FASTKD1: variants seen among roughly 807,000 people sequenced by gnomAD.
FASTKD1 encodes FAST kinase domains 1.
Under a neutral mutation model 90.9 loss-of-function variants are expected in FASTKD1, and 94 were observed. The ratio of observed to expected loss-of-function variants is 1.03; its 90% CI spans 0.88 to 1.23. The LOEUF (loss-of-function observed/expected upper bound fraction) is 1.23. FASTKD1 is among the 50% of genes most tolerant of loss of function. The pLI is 0.00. For missense variants in FASTKD1, 945 were observed against 993.5 expected, an observed-to-expected ratio of 0.95 and a Z score of 0.66; for synonymous variants, 319 against 345.8, an observed-to-expected ratio of 0.92 and a Z score of 0.86.
intron 13 of FASTKD1, 193 bp downstream of exon 13, chr2:169,531,159 T>C (rs1260806951): frequency 3.9e-6 from 3 of 768,612 alleles, no homozygotes; most frequent in African/African-American, 3.4e-5. Context: ...GTTAGGGAGA[T>C]TGCTAGGCTT....
At chr2:169,540,270 AAAAG>A in intron 9 of FASTKD1, 91 bp from the exon 10 acceptor site, 1 of 1,268,378 alleles carries the variant, frequency 7.9e-7, no homozygotes, top group South Asian at 1.7e-5. Flanking sequence ...GTTTTTAAAA[AAAAG>A]ATACACAGCC....
At chr2:169,541,207 C>T (rs1684942537) in intron 9 of FASTKD1, among the ~76,000 whole-genome samples, 1 of 152,144 alleles carries the variant, frequency 6.6e-6, no homozygotes, top group Admixed American at 6.5e-5. Flanking sequence ...TAAAATTTTA[C>T]TTATAAAGTT....
chr2:169,553,241 TA>T (rs1179587830), intron 7 of FASTKD1, among the ~76,000 whole-genome samples: 6 of 32,106 alleles, frequency 1.9e-4, no homozygotes, highest in African/African-American at 3.5e-4. Flanking sequence ...AATAAAAACA[TA>T]AAAATATAGA....
intron 8 of FASTKD1, among the ~76,000 whole-genome samples, chr2:169,545,063 A>C (rs1685127681): frequency 6.6e-6 from 1 of 152,164 alleles, no homozygotes; most frequent in Admixed American, 6.5e-5. Flanking sequence ...TAAATCAGAT[A>C]ATTTACAAAT....
chr2:169,531,659 T>C (rs1429898960), intron 12 of FASTKD1, 169 bp from the exon 13 acceptor site: 3 of 546,540 alleles, frequency 5.5e-6, no homozygotes, highest in Non-Finnish European at 9.5e-6. Context: ...TCTGGTCCAA[T>C]GGCACCTCTC....
At chr2:169,556,288 T>G (rs1489836190) in intron 6 of FASTKD1, among the ~76,000 whole-genome samples, 2 of 150,584 alleles carry the variant, frequency 1.3e-5, no homozygotes, top group African/African-American at 2.4e-5. Context: ...AATACAAAAA[T>G]TAGTGGGCAT....
intron 3 of FASTKD1, among the ~76,000 whole-genome samples, chr2:169,565,541 C>A (rs1032094435): frequency 6.6e-6 from 1 of 152,110 alleles, no homozygotes; most frequent in African/African-American, 2.4e-5. Context: ...GGATTACAGG[C>A]GTGAGCCACC....
At chr2:169,563,467 T>C in intron 3 of FASTKD1, 117 bp from the exon 4 acceptor site, 2 of 667,050 alleles carry the variant, frequency 3.0e-6, no homozygotes, top group Non-Finnish European at 4.3e-6. Flanking sequence ...ATTTTTTTTC[T>C]AAAATGTTAT....
chr2:169,535,499 T>C (rs1234222983), intron 12 of FASTKD1, among the ~76,000 whole-genome samples: 1 of 151,976 alleles, frequency 6.6e-6, no homozygotes, highest in Admixed American at 6.6e-5. Flanking sequence ...AGACAGGGTC[T>C]AACTACATTG....
Position 169,549,258 on chromosome 2 carries a change from G to T in FASTKD1, c.1215-2554C>A, listed in dbSNP as rs374374144. On this transcript the variant is annotated intron_variant, in intron 7 of 14. Coordinates refer to ENST00000453153, the MANE Select transcript of FASTKD1 (RefSeq NM_024622.6). ...AAAAATACAAAAAAGTTAGCCAGGT[G>T]GGGTGGCGCATGTAATGCGCTGTAA... Among the ~76,000 whole-genome samples, 19 of 152,066 alleles carry T rather than the reference G, an allele frequency of 1.2e-4. No individual in the cohort carries two copies. In the East Asian group the frequency reaches 3.7e-3, roughly 30 times the overall value.
chr2:169,538,013 C>T lies in FASTKD1; in HGVS notation c.2074G>A (p.Gly692Ser), dbSNP rs1269855957. 1 of 1,590,514 alleles carries T rather than the reference C, an allele frequency of 6.3e-7. No homozygotes were observed. The highest frequency in any genetic ancestry group is 1.9e-5 in the Admixed American group (1 of 52,560). ...TATCTGACTAAAAGAAAACTCAAAC[C>T]TTTATTATATTGTTGACAGAAGCGG... ...HDRFCQQYNKGIGGMDGTQQQ... is the reference protein window; with the variant it reads ...HDRFCQQYNKSIGGMDGTQQQ... Residue 692 changes from glycine to serine, a missense_variant and splice_region_variant, in exon 11 of 15, where the codon GGT (glycine) becomes AGT (serine). Gly to Ser is a moderately conservative substitution (Grantham distance 56). Transcript: ENST00000453153.
At chr2:169,535,908 A>T (rs1684704025) in intron 12 of FASTKD1, among the ~76,000 whole-genome samples, 1 of 151,984 alleles carries the variant, frequency 6.6e-6, no homozygotes, top group African/African-American at 2.4e-5. Context: ...ACAATCCTTC[A>T]AACATTTTAA....
At position 169,540,177 on chromosome 2, in the gene FASTKD1, T is replaced by C; in HGVS notation, c.1819A>G (p.Ile607Val). ...CVQHLNSYLG[I>V]LDPFILVFLG... is the part of the protein sequence containing the mutation. ...AACACTAATATAAAAGGATCCAATA[T>C]ACCTAAAAGAAAATTAAGATTTTTT... Residue 607 changes from isoleucine to valine, a missense_variant and splice_region_variant, in exon 10 of 15, where the codon ATA (isoleucine) becomes GTA (valine). Ile to Val is a conservative substitution (Grantham distance 29). Transcript: ENST00000453153. 6.5e-7 allele frequency: 1 copy of C among 1,536,676 alleles called. No homozygotes were observed. Among genetic ancestry groups the C allele is most frequent in the Non-Finnish European group, 8.9e-7 (1 of 1,124,798 alleles).
intron 2 of FASTKD1, among the ~76,000 whole-genome samples, chr2:169,569,734 C>T (rs919959238): frequency 4.6e-5 from 7 of 151,982 alleles, no homozygotes; most frequent in African/African-American, 1.7e-4. Context: ...GCCTTTAATC[C>T]CAGCTACTCA....
At chr2:169,540,749 G>A (rs1048338905) in intron 9 of FASTKD1, among the ~76,000 whole-genome samples, 10 of 152,138 alleles carry the variant, frequency 6.6e-5, no homozygotes, top group Non-Finnish European at 1.5e-4. Context: ...AGTTGGCAGC[G>A]GAGAGTAGGG....
intron 12 of FASTKD1, among the ~76,000 whole-genome samples, chr2:169,535,254 C>T (rs1034881403): frequency 6.6e-6 from 1 of 151,972 alleles, no homozygotes; most frequent in East Asian, 1.9e-4. Flanking sequence ...GTGACTGTAA[C>T]TCACTGTAGA....
chr2:169,569,319 G>T (rs1423247858), intron 2 of FASTKD1, 67 bp from the exon 3 acceptor site: 8 of 1,388,790 alleles, frequency 5.8e-6, no homozygotes, highest in Non-Finnish European at 7.1e-6. Context: ...TATGCAATAC[G>T]AATGATAATG....
intron 7 of FASTKD1, among the ~76,000 whole-genome samples, chr2:169,551,899 G>A (rs1045240898): frequency 6.6e-6 from 1 of 152,184 alleles, no homozygotes; most frequent in African/African-American, 2.4e-5. Flanking sequence ...GGTGAGGACA[G>A]GGTAATGAGG....
At chr2:169,561,155 G>A (rs1219385704) in intron 4 of FASTKD1, among the ~76,000 whole-genome samples, 1 of 151,484 alleles carries the variant, frequency 6.6e-6, no homozygotes, top group East Asian at 2.0e-4. Flanking sequence ...AAAATTAGCT[G>A]GATGTGGTGG....
Sources: gnomAD v4.1 joint callset for allele counts (sites outside exome capture counted in the v4.1 genomes callset) on GRCh38, gnomAD v4.1.1 for gene constraint, MANE v1.5 for transcripts, NCBI Gene and HGNC (gene_info 2026-07-23, HGNC 2026-07-21) for gene names.